Variants in ARK2N observed in about 807,000 individuals in gnomAD.
The protein encoded by ARK2N is protein ARK2N.
chr18:46,245,801 A>G, the ARK2N span, among the ~76,000 whole-genome samples: 1 of 152,224 alleles, frequency 6.6e-6, no homozygotes, highest in Non-Finnish European at 1.5e-5. Context: ...AAAGACAGAA[A>G]GAAACTGTTT....
chr18:46,215,504 G>A, the ARK2N span, among the ~76,000 whole-genome samples: 2 of 152,044 alleles, frequency 1.3e-5, no homozygotes, highest in African/African-American at 4.8e-5. Flanking sequence ...AATTATATCA[G>A]AGTTTTGAAG....
chr18:46,230,082 G>A, the ARK2N span, among the ~76,000 whole-genome samples: 1 of 151,938 alleles, frequency 6.6e-6, no homozygotes, highest in African/African-American at 2.4e-5. Context: ...CCCACAACTG[G>A]CCCGGCTAAT....
At chr18:46,221,449 A>G in the ARK2N span, among the ~76,000 whole-genome samples, 3 of 148,900 alleles carry the variant, frequency 2.0e-5, no homozygotes, top group African/African-American at 5.0e-5. Flanking sequence ...AGTCCCAGCT[A>G]CTCGGGAGGC....
At chr18:46,204,892 GT>G in the ARK2N span, among the ~76,000 whole-genome samples, 4,555 of 142,666 alleles carry the variant, frequency 0.032, 172 homozygotes, top group East Asian at 0.13. Flanking sequence ...TAGTTTATTC[GT>G]TTTTTTTTTC....
chr18:46,188,028 T>C, the ARK2N span, among the ~76,000 whole-genome samples: 468 of 152,296 alleles, frequency 3.1e-3, 5 homozygotes, highest in African/African-American at 0.011. Context: ...TTGGCATACA[T>C]TGAGCATAAT....
the ARK2N span, among the ~76,000 whole-genome samples, chr18:46,233,857 C>T: frequency 1.5e-4 from 23 of 152,154 alleles, no homozygotes; most frequent in Non-Finnish European, 2.6e-4. Context: ...ATTTTAAAAA[C>T]GACTTAATTC....
the ARK2N span, among the ~76,000 whole-genome samples, chr18:46,256,725 T>G: frequency 1.3e-5 from 2 of 152,252 alleles, no homozygotes; most frequent in Non-Finnish European, 2.9e-5. Flanking sequence ...TAATGGAATG[T>G]AGAGTTTACA....
chr18:46,179,997 G>T, the ARK2N span, among the ~76,000 whole-genome samples: 1 of 152,188 alleles, frequency 6.6e-6, no homozygotes, highest in South Asian at 2.1e-4. Flanking sequence ...CAGATTTATC[G>T]GAACATATTT....
the ARK2N span, among the ~76,000 whole-genome samples, chr18:46,246,713 C>A: frequency 7.0e-6 from 1 of 143,080 alleles, no homozygotes; most frequent in Non-Finnish European, 1.5e-5. Context: ...GAGGCCGAGG[C>A]GGGTAGATTA....
At chr18:46,196,296 C>G in the ARK2N span, among the ~76,000 whole-genome samples, 1 of 143,420 alleles carries the variant, frequency 7.0e-6, no homozygotes, top group Non-Finnish European at 1.5e-5. Flanking sequence ...GAGTCTCGCT[C>G]TGTCGCCCAG....
At chr18:46,194,763 C>A in the ARK2N span, among the ~76,000 whole-genome samples, 5,409 of 150,006 alleles carry the variant, frequency 0.036, 130 homozygotes, top group Non-Finnish European at 0.051. Flanking sequence ...TGTGAGCCAC[C>A]GCGACCGGAT....
chr18:46,261,814 T>C, the ARK2N span, among the ~76,000 whole-genome samples: 1 of 152,158 alleles, frequency 6.6e-6, no homozygotes. Flanking sequence ...ATTAAGCCTT[T>C]GTAGGAGTAG....
chr18:46,212,151 T>C, the ARK2N span, among the ~76,000 whole-genome samples: 6 of 152,180 alleles, frequency 3.9e-5, no homozygotes, highest in Non-Finnish European at 8.8e-5. Flanking sequence ...GAAGAAAGCA[T>C]AGTAGAATTT....
chr18:46,213,887 G>A, the ARK2N span, among the ~76,000 whole-genome samples: 2 of 152,124 alleles, frequency 1.3e-5, no homozygotes, highest in East Asian at 3.9e-4. Context: ...AGTAGAGACG[G>A]GGTTTCACCA....
chr18:46,176,457 C>CT, the ARK2N span, among the ~76,000 whole-genome samples: 222 of 133,406 alleles, frequency 1.7e-3, 1 homozygote, highest in South Asian at 2.7e-3. Context: ...TGTGTGTGTG[C>CT]TTTTTTTTTT....
At chr18:46,217,329 G>A in the ARK2N span, 2 of 152,166 alleles carry the variant, frequency 1.3e-5, no homozygotes, top group Non-Finnish European at 2.9e-5. Flanking sequence ...TACAAAGGCA[G>A]TCTTGAGATT....
the ARK2N span, among the ~76,000 whole-genome samples, chr18:46,225,793 G>A: frequency 6.6e-6 from 1 of 152,050 alleles, no homozygotes; most frequent in African/African-American, 2.4e-5. Flanking sequence ...GTAGTAAACA[G>A]TTTCTTTTTT....
At chr18:46,259,885 C>CTGGGTGTGTGTGTGTGTGTGTGTGTG in the ARK2N span, among the ~76,000 whole-genome samples, 1 of 81,596 alleles carries the variant, frequency 1.2e-5, no homozygotes, top group Non-Finnish European at 2.5e-5. Context: ...ATCCTCCCGT[C>CTGGGTGTGTGTGTGTGTGTGTGTGTG]TGTGTGTGTG....
chr18:46,262,310 A>G, the ARK2N span, among the ~76,000 whole-genome samples: 1,408 of 152,276 alleles, frequency 9.2e-3, 30 homozygotes, highest in African/African-American at 0.033. Context: ...TAAACTGAAG[A>G]TTCAGCTGTG....
Sources: allele counts gnomAD v4.1 joint callset (sites outside exome capture counted in the v4.1 genomes callset), GRCh38; gene constraint gnomAD v4.1.1; transcripts MANE v1.5; gene names NCBI Gene and HGNC (gene_info 2026-07-23, HGNC 2026-07-21).